PCCA: variants seen among roughly 807,000 people sequenced by gnomAD.
The protein encoded by PCCA is propionyl-CoA carboxylase alpha chain, mitochondrial.
PCCA carries 74 observed loss-of-function variants against 101.3 expected under a neutral mutation model. That is an observed-to-expected ratio of 0.73 (90% confidence interval 0.61 to 0.89). PCCA has a LOEUF of 0.89. Ranked by LOEUF, PCCA falls within the 40% of genes least tolerant of loss-of-function variation. The pLI is 0.00. For synonymous variants in PCCA, 294 were observed against 313.6 expected (o/e 0.94, Z 0.66); for missense variants, 891 against 907.0 (o/e 0.98, Z 0.23).
chr13:100,109,220 T>C (rs1023912530), intron 2 of PCCA, among the ~76,000 whole-genome samples: 5 of 152,200 alleles, frequency 3.3e-5, no homozygotes, highest in African/African-American at 1.2e-4. Flanking sequence ...TCACAACCTC[T>C]TGTGGCAGGT....
Position 100,519,094 on chromosome 13 carries a change from A to G in PCCA, c.2040+3527A>G, listed in dbSNP as rs548757507. 1.2e-3 allele frequency among the ~76,000 whole-genome samples: 187 copies of G among 152,308 alleles called. 1 individual carries two copies. The highest frequency in any genetic ancestry group is 4.3e-3 in the African/African-American group (180 of 41,562). The stretch of plus-strand genomic sequence containing the variant: ...AAACCACCCCATAAGATAGTCACCC[A>G]AGGAGGCATTTTAATATTGCATTTA... On this transcript the variant is annotated intron_variant, in intron 22 of 23. Transcript: ENST00000376285.
At chr13:100,340,124 T>G (rs780898830) in intron 17 of PCCA, 33 bp from the exon 18 acceptor site, 1 of 1,077,570 alleles carries the variant, frequency 9.3e-7, no homozygotes, top group African/African-American at 1.5e-5. Flanking sequence ...AATAAATGAT[T>G]GATTGATTGA....
chr13:100,151,669 C>T (rs1180070755), intron 4 of PCCA, among the ~76,000 whole-genome samples: 1 of 151,836 alleles, frequency 6.6e-6, no homozygotes, highest in Non-Finnish European at 1.5e-5. Context: ...TAATAATCTG[C>T]TTTAAAAATC....
At chr13:100,342,369 T>A (rs2071508563) in intron 18 of PCCA, among the ~76,000 whole-genome samples, 3 of 151,830 alleles carry the variant, frequency 2.0e-5, no homozygotes, top group African/African-American at 7.3e-5. Flanking sequence ...GTTCAAGCGA[T>A]TCTCCTGCCT....
intron 2 of PCCA, among the ~76,000 whole-genome samples, chr13:100,108,162 A>T (rs2047984406): frequency 6.6e-6 from 1 of 152,214 alleles, no homozygotes. Context: ...AGGGAAGGGA[A>T]AGGAAGAAGG....
chr13:100,498,121 G>A (rs561250281), intron 21 of PCCA, among the ~76,000 whole-genome samples: 3 of 151,346 alleles, frequency 2.0e-5, no homozygotes, highest in Admixed American at 6.6e-5. Flanking sequence ...TCTCACCTCA[G>A]CCTCCCAAAG....
intron 6 of PCCA, among the ~76,000 whole-genome samples, chr13:100,183,959 G>A (rs183678999): frequency 1.3e-5 from 2 of 152,242 alleles, no homozygotes; most frequent in Non-Finnish European, 2.9e-5. Context: ...CTGTTAGGCC[G>A]TGTGCTAGTC....
chr13:100,451,175 G>A (rs1444416515), intron 21 of PCCA, among the ~76,000 whole-genome samples: 1 of 152,044 alleles, frequency 6.6e-6, no homozygotes, highest in East Asian at 1.9e-4. Context: ...ACTGTGGAGG[G>A]TGATCTGCTA....
chr13:100,175,270 T>A (rs2056129362), intron 6 of PCCA, among the ~76,000 whole-genome samples: 1 of 152,214 alleles, frequency 6.6e-6, no homozygotes, highest in African/African-American at 2.4e-5. Flanking sequence ...ATTGTTGATT[T>A]TTTTTTCCCC....
At chr13:100,156,129 G>A (rs777633100) in intron 5 of PCCA, among the ~76,000 whole-genome samples, 5 of 152,126 alleles carry the variant, frequency 3.3e-5, no homozygotes, top group Admixed American at 6.6e-5. Flanking sequence ...GTGCGATGGC[G>A]TGATCTTGGC....
rs538000986 is a variant in PCCA at position 100,230,382 on chromosome 13, T to TA, written c.601-5460_601-5459insA. Reference sequence around the variant, plus strand: ...AAAAATGGTGAAACCCTGTCTCTACTTAGAATACAAAAATTAGCCGGGTGT... The same window carrying TA: ...AAAAATGGTGAAACCCTGTCTCTACTATAGAATACAAAAATTAGCCGGGTGT... On this transcript the variant is annotated intron_variant, in intron 7 of 23. Coordinates refer to ENST00000376285, the MANE Select transcript of PCCA (RefSeq NM_000282.4). Among the ~76,000 whole-genome samples, 13 of 152,068 alleles carry TA rather than the reference T, an allele frequency of 8.5e-5. No individual in the cohort carries two copies. The South Asian group carries it at 2.5e-3, about 29-fold the overall frequency.
intron 18 of PCCA, among the ~76,000 whole-genome samples, chr13:100,340,929 TA>T (rs960354818): frequency 2.4e-4 from 36 of 151,380 alleles, no homozygotes; most frequent in African/African-American, 8.2e-4. Flanking sequence ...GAACAAAGTT[TA>T]AAAAAAAGAA....
intron 6 of PCCA, among the ~76,000 whole-genome samples, chr13:100,199,445 A>G (rs897103493): frequency 1.3e-5 from 2 of 152,214 alleles, no homozygotes; most frequent in East Asian, 3.9e-4. Context: ...CTGTTGAAGA[A>G]CTTGGGTGTT....
chr13:100,217,547 A>G (rs1001646773), intron 7 of PCCA, among the ~76,000 whole-genome samples: 1 of 152,082 alleles, frequency 6.6e-6, no homozygotes, highest in African/African-American at 2.4e-5. Flanking sequence ...TATAGTATCC[A>G]TGTTATAGCA....
chr13:100,099,348 T>C (rs1360930050), intron 1 of PCCA, among the ~76,000 whole-genome samples: 2 of 149,446 alleles, frequency 1.3e-5, no homozygotes, highest in South Asian at 2.2e-4. Context: ...GATGGAGTCT[T>C]GCTCTGTCAC....
At chr13:100,116,174 T>A (rs2048776726) in intron 4 of PCCA, among the ~76,000 whole-genome samples, 1 of 152,234 alleles carries the variant, frequency 6.6e-6, no homozygotes, top group Non-Finnish European at 1.5e-5. Context: ...AAAGCCATGC[T>A]ATTCAGATGT....
intron 2 of PCCA, among the ~76,000 whole-genome samples, chr13:100,105,844 C>CAAAAAAAAAA (rs71114671): frequency 1.4e-3 from 86 of 62,498 alleles, no homozygotes; most frequent in Non-Finnish European, 1.8e-3. Context: ...GATCCTGTCT[C>CAAAAAAAAAA]AAAAAAAAAA....
intron 21 of PCCA, among the ~76,000 whole-genome samples, chr13:100,513,165 G>T (rs1322305587): frequency 6.6e-6 from 1 of 152,264 alleles, no homozygotes; most frequent in Non-Finnish European, 1.5e-5. Flanking sequence ...AGGCGTGTTT[G>T]TGTGGTACAC....
intron 21 of PCCA, among the ~76,000 whole-genome samples, chr13:100,464,941 T>C (rs145781438): frequency 1.3e-5 from 2 of 152,330 alleles, no homozygotes; most frequent in Non-Finnish European, 2.9e-5. Context: ...GATATCATTT[T>C]AGGTAGGCTG....
Sources: allele counts gnomAD v4.1 joint callset (sites outside exome capture counted in the v4.1 genomes callset), GRCh38; gene constraint gnomAD v4.1.1; transcripts MANE v1.5; gene names NCBI Gene and HGNC (gene_info 2026-07-23, HGNC 2026-07-21).